The following CDC25A variants were observed in gnomAD, a reference collection of about 807,000 sequenced individuals.
CDC25A encodes M-phase inducer phosphatase 1.
Under a neutral mutation model 64.6 loss-of-function variants are expected in CDC25A, and 17 were observed. The ratio of observed to expected loss-of-function variants is 0.26; its 90% confidence interval spans 0.18 to 0.39. The LOEUF (loss-of-function observed/expected upper bound fraction) is 0.39. CDC25A is among the 10% of genes least tolerant of loss of function. CDC25A has a pLI of 1.00. For missense variants in CDC25A, 473 were observed against 654.8 expected (o/e 0.72, Z 3.03); for synonymous variants, 229 against 238.6 (o/e 0.96, Z 0.37).
At chr3:48,182,382 TAA>T (rs2032700357) in intron 5 of CDC25A, among the ~76,000 whole-genome samples, 1 of 152,146 alleles carries the variant, frequency 6.6e-6, no homozygotes, top group Non-Finnish European at 1.5e-5. Flanking sequence ...GTGCAATGTC[TAA>T]AAGAACAAAA....
chr3:48,187,628 G>A, intron 1 of CDC25A, 150 bp downstream of exon 1: 2 of 715,246 alleles, frequency 2.8e-6, no homozygotes, highest in Non-Finnish European at 4.3e-6. Context: ...GGGCGGGGGT[G>A]CACATGGCAG....
intron 9 of CDC25A, among the ~76,000 whole-genome samples, chr3:48,169,631 T>G (rs2032188329): frequency 6.6e-6 from 1 of 152,236 alleles, no homozygotes; most frequent in Non-Finnish European, 1.5e-5. Context: ...TGGATCCAGA[T>G]TTTAACAAAT....
intron 7 of CDC25A, 100 bp from the exon 8 acceptor site, chr3:48,177,542 C>A (rs904074509): frequency 1.7e-5 from 15 of 889,750 alleles, no homozygotes; most frequent in Admixed American, 1.5e-4. Context: ...CCAGATAGGC[C>A]TGGATAGGAA....
chr3:48,182,332 G>A (rs1328730073), intron 5 of CDC25A, among the ~76,000 whole-genome samples: 1 of 152,202 alleles, frequency 6.6e-6, no homozygotes, highest in Non-Finnish European at 1.5e-5. Context: ...ACAGTAGAGA[G>A]AAGGCTGAAA....
chr3:48,175,289 C>T (rs2032414367), intron 8 of CDC25A, among the ~76,000 whole-genome samples: 1 of 152,102 alleles, frequency 6.6e-6, no homozygotes, highest in Non-Finnish European at 1.5e-5. Flanking sequence ...CAGAGCAAGA[C>T]TCTGTCTCAA....
At chr3:48,184,527 A>C in intron 3 of CDC25A, 126 bp downstream of exon 3, 1 of 671,598 alleles carries the variant, frequency 1.5e-6, no homozygotes, top group Non-Finnish European at 2.6e-6. Flanking sequence ...GAGATTCCAG[A>C]GTGTTTCTAG....
At position 48,158,578 on chromosome 3, in the gene CDC25A, G is replaced by A. The variant is rs1027508088; in HGVS notation, c.*367C>T. 10 of 180,006 alleles carry A rather than the reference G, an allele frequency of 5.6e-5. No homozygotes were observed. Among genetic ancestry groups the A allele is most frequent in the Non-Finnish European group, 9.3e-5 (8 of 86,082 alleles). The allele number at this position is 180,006 out of a possible 1,614,324, so 11.2% of individuals were successfully genotyped here. Reference sequence around the variant, plus strand: ...GGTTGTCTTTGCTATTTGGCCAGCAGCATTTCTGTGTAACTTCTCTACTCC... The same window carrying A: ...GGTTGTCTTTGCTATTTGGCCAGCAACATTTCTGTGTAACTTCTCTACTCC... On this transcript the variant is annotated 3_prime_UTR_variant, in exon 15 of 15. Coordinates refer to ENST00000302506, the MANE Select transcript of CDC25A (RefSeq NM_001789.3).
chr3:48,168,313 C>T (rs1172366898), intron 9 of CDC25A, among the ~76,000 whole-genome samples: 3 of 149,982 alleles, frequency 2.0e-5, no homozygotes, highest in Middle Eastern at 3.5e-3. Flanking sequence ...GCAGGTGAAT[C>T]GCTTGAGCCC....
At chr3:48,165,485 C>T (rs1315625547) in intron 12 of CDC25A, 151 bp downstream of exon 12, 3 of 613,664 alleles carry the variant, frequency 4.9e-6, no homozygotes, top group African/African-American at 1.9e-5. Flanking sequence ...TAAGAGCACC[C>T]GGAATCAAAT....
chr3:48,171,873 C>T (rs991829789), intron 9 of CDC25A, among the ~76,000 whole-genome samples: 12 of 152,280 alleles, frequency 7.9e-5, no homozygotes, highest in Non-Finnish European at 1.5e-4. Flanking sequence ...AAAACACTAT[C>T]GGCCAGGTGC....
chr3:48,169,104 C>T, intron 9 of CDC25A, among the ~76,000 whole-genome samples: 1 of 152,192 alleles, frequency 6.6e-6, no homozygotes, highest in East Asian at 1.9e-4. Context: ...ATAAGTCTTG[C>T]TTTCAACTTT....
In CDC25A at chr3:48,177,887, G is replaced by C; in HGVS notation, c.651C>G (p.Gly217=). 1 of 1,614,024 alleles carries C rather than the reference G, an allele frequency of 6.2e-7. No individual in the cohort carries two copies. Among genetic ancestry groups the C allele is most frequent in the Admixed American group, 1.7e-5 (1 of 60,004 alleles). ...TCTCTCCATCGAGAAGGTCCACGAA[G>C]CCATCATCCTCATCAGACAAAGTGG... ...VTATLSDEDD[G]FVDLLDGENL... is the part of the protein sequence containing the mutation. The change falls in exon 7 of 15, where the codon GGC becomes GGG. Residue 217 remains glycine (G), a synonymous_variant. Transcript: ENST00000302506.
chr3:48,165,570 C>A, intron 12 of CDC25A, 66 bp downstream of exon 12: 1 of 1,107,010 alleles, frequency 9.0e-7, no homozygotes, highest in Non-Finnish European at 1.4e-6. Flanking sequence ...TGTCACTGTC[C>A]TCCCCACTTT....
rs201430835 is a variant in CDC25A, at chr3:48,165,877, G to A, written c.1046C>T (p.Thr349Ile). The A allele has an allele frequency of 9.4e-6, 15 of 1,600,508 alleles. No homozygotes were observed. The highest frequency in any genetic ancestry group is 1.3e-5 in the Non-Finnish European group (15 of 1,167,704). Residue 349 changes from threonine (T) to isoleucine (I), a missense_variant, in exon 11 of 15, where the codon ACA becomes ATA. Around this residue, in one of 2 missense-constraint regions of CDC25A, gnomAD observed 376 missense variants for 431.9 expected, o/e 0.87. Coordinates refer to ENST00000302506, the MANE Select transcript of CDC25A (RefSeq NM_001789.3). ...TAAATCCTGATGTTTCCCAGCAACT[G>A]TATGAAAGAGATAACCCTTAAAAAG... ...GDFSKGYLFH[T>I]VAGKHQDLKY...
Position 48,158,472 on chromosome 3 carries a change from G to GA in CDC25A, c.*472dup, listed in dbSNP as rs978193982. 20 of 150,550 alleles carry GA rather than the reference G, an allele frequency of 1.3e-4. 1 individual carries two copies. Among genetic ancestry groups the GA allele is most frequent in the Middle Eastern group, 6.8e-3 (2 of 292 alleles). 9.3% of individuals were successfully genotyped at this position (150,550 alleles called of 1,614,324 possible). ...CAGTAAAATAAGTCTCCAGGAGTTA[G>GA]AAAAAAAAATAAAATAAAGTGATTG... On this transcript the variant is annotated 3_prime_UTR_variant, in exon 15 of 15. Transcript: ENST00000302506.
chr3:48,176,558 T>TATAA (rs1491490773), intron 8 of CDC25A, among the ~76,000 whole-genome samples: 1 of 134,666 alleles, frequency 7.4e-6, no homozygotes, highest in Non-Finnish European at 1.6e-5. Context: ...TATATATATA[T>TATAA]AAAATATATA....
chr3:48,177,021 G>C (rs946075188), intron 8 of CDC25A, among the ~76,000 whole-genome samples: 1 of 152,020 alleles, frequency 6.6e-6, no homozygotes, highest in Non-Finnish European at 1.5e-5. Context: ...GTGAGTTACT[G>C]TTGCTTGTCT....
At chr3:48,172,590 C>G (rs2032307493) in intron 9 of CDC25A, among the ~76,000 whole-genome samples, 1 of 152,200 alleles carries the variant, frequency 6.6e-6, no homozygotes, top group Non-Finnish European at 1.5e-5. Flanking sequence ...ATGCCAGGTG[C>G]TGTGTCTAAC....
At chr3:48,172,688 A>T (rs2032311864) in intron 9 of CDC25A, among the ~76,000 whole-genome samples, 1 of 152,172 alleles carries the variant, frequency 6.6e-6, no homozygotes, top group South Asian at 2.1e-4. Context: ...ACATGGCGAA[A>T]GCCTGTCTCT....
Sources: gnomAD v4.1 joint callset for allele counts (sites outside exome capture counted in the v4.1 genomes callset) on GRCh38, gnomAD v4.1.1 for gene constraint, gnomAD v4.1.1 regional missense constraint, MANE v1.5 for transcripts, NCBI Gene and HGNC (gene_info 2026-07-23, HGNC 2026-07-21) for gene names.